Variants in FHIT observed in about 807,000 individuals in gnomAD.
The protein encoded by FHIT is bis(5'-adenosyl)-triphosphatase.
In FHIT, 19 loss-of-function variants were observed where a neutral mutation model predicts 17.9. The ratio of observed to expected loss-of-function variants is 1.06; its 90% CI spans 0.74 to 1.56. The LOEUF is 1.56. Ranked by LOEUF, FHIT falls within the 40% of genes most tolerant of loss-of-function variation. The probability of loss-of-function intolerance (pLI) is 0.00; values close to 1 mark genes in which losing one functional copy is unlikely to be tolerated. For synonymous variants in FHIT, 81 were observed against 69.7 expected, an observed-to-expected ratio of 1.16 and a Z score of -0.81; for missense variants, 248 against 189.2, an observed-to-expected ratio of 1.31 and a Z score of -1.82.
At chr3:60,873,198 C>T (rs1399084385) in intron 3 of FHIT, among the ~76,000 whole-genome samples, 1 of 151,614 alleles carries the variant, frequency 6.6e-6, no homozygotes, top group African/African-American at 2.4e-5. Context: ...ATAAAGAAAC[C>T]TGCAATGCAG....
chr3:60,038,932 T>A (rs1701328558), intron 5 of FHIT, among the ~76,000 whole-genome samples: 1 of 152,170 alleles, frequency 6.6e-6, no homozygotes, highest in Non-Finnish European at 1.5e-5. Flanking sequence ...ATAACGGTCA[T>A]TATGTACTGC....
chr3:60,461,912 C>T (rs1224832720), intron 5 of FHIT, among the ~76,000 whole-genome samples: 1 of 152,196 alleles, frequency 6.6e-6, no homozygotes, highest in African/African-American at 2.4e-5. Flanking sequence ...CCCCGCCCCC[C>T]TTTAAGCCAG....
intron 5 of FHIT, among the ~76,000 whole-genome samples, chr3:60,027,100 C>CAGACACAG (rs1181705609): frequency 1.7e-5 from 2 of 116,584 alleles, no homozygotes; most frequent in African/African-American, 7.4e-5. Context: ...AAGACTGTTT[C>CAGACACAG]ACACACAGAC....
chr3:60,437,832 G>A (rs1342312364), intron 5 of FHIT, among the ~76,000 whole-genome samples: 1 of 151,992 alleles, frequency 6.6e-6, no homozygotes, highest in African/African-American at 2.4e-5. Flanking sequence ...ATAGGTGTTT[G>A]GCTGACATAC....
chr3:60,583,714 C>T (rs1178076592), intron 4 of FHIT, among the ~76,000 whole-genome samples: 4 of 152,020 alleles, frequency 2.6e-5, no homozygotes, highest in African/African-American at 4.8e-5. Flanking sequence ...TGCCAATCCC[C>T]GTCCTGAATA....
At chr3:59,989,714 G>A (rs999078977) in intron 7 of FHIT, among the ~76,000 whole-genome samples, 3 of 152,000 alleles carry the variant, frequency 2.0e-5, no homozygotes, top group African/African-American at 7.2e-5. Flanking sequence ...GTCATTCTCA[G>A]GGAACGTGAA....
intron 5 of FHIT, among the ~76,000 whole-genome samples, chr3:60,356,769 A>AAAAAAAAAAAAAAAAAAAAAAC (rs1699680964): frequency 6.9e-6 from 1 of 144,256 alleles, no homozygotes; most frequent in African/African-American, 2.9e-5. Flanking sequence ...AAAAAAAAAA[A>AAAAAAAAAAAAAAAAAAAAAAC]AAAAAAAAAA....
chr3:59,891,110 G>GCC (rs1285284922), intron 8 of FHIT, among the ~76,000 whole-genome samples: 1 of 152,170 alleles, frequency 6.6e-6, no homozygotes, highest in African/African-American at 2.4e-5. Context: ...ATATGTTCCA[G>GCC]CCCCTCCAAG....
intron 2 of FHIT, among the ~76,000 whole-genome samples, chr3:61,197,472 A>G (rs2038885166): frequency 6.6e-6 from 1 of 152,220 alleles, no homozygotes; most frequent in Admixed American, 6.5e-5. Flanking sequence ...TACCTGTTAA[A>G]AAAAAATTAA....
At chr3:60,117,749 G>A (rs1705038174) in intron 5 of FHIT, among the ~76,000 whole-genome samples, 1 of 152,086 alleles carries the variant, frequency 6.6e-6, no homozygotes, top group South Asian at 2.1e-4. Flanking sequence ...TGGCTGCAAG[G>A]GTAGATGATG....
rs565638783 is a variant in FHIT at position 60,425,877 on chromosome 3, A to G, written c.103+110983T>C. On this transcript the variant is annotated intron_variant, in intron 5 of 9. Transcript: ENST00000492590. ...ATATATTTATTGATAGCCATCCCATATAAGATGCCATGAAGAAGGAAAAGT... is the reference window on the plus strand; with the variant it reads ...ATATATTTATTGATAGCCATCCCATGTAAGATGCCATGAAGAAGGAAAAGT... Among the ~76,000 whole-genome samples the G allele has an allele frequency of 1.7e-4, 26 of 152,246 alleles. 1 individual carries two copies. The highest frequency in any genetic ancestry group is 5.1e-4 in the African/African-American group (21 of 41,558).
At chr3:60,705,298 G>T (rs1282586335) in intron 4 of FHIT, among the ~76,000 whole-genome samples, 15 of 152,118 alleles carry the variant, frequency 9.9e-5, no homozygotes, top group African/African-American at 3.4e-4. Context: ...CAACATTAAA[G>T]GCATCAATAA....
chr3:60,345,116 C>T (rs1710711619), intron 5 of FHIT, among the ~76,000 whole-genome samples: 1 of 152,112 alleles, frequency 6.6e-6, no homozygotes, highest in East Asian at 1.9e-4. Flanking sequence ...AATTTTAAAT[C>T]ATTTGTGTCA....
intron 3 of FHIT, among the ~76,000 whole-genome samples, chr3:61,021,873 A>G (rs923641247): frequency 6.6e-6 from 1 of 152,144 alleles, no homozygotes; most frequent in African/African-American, 2.4e-5. Flanking sequence ...TATAGCACTA[A>G]ATGCTCACAA....
rs554268138 is a variant in FHIT at position 60,233,065 on chromosome 3, G to C, written c.104-218913C>G. Among the ~76,000 whole-genome samples the C allele has an allele frequency of 2.4e-3, 364 of 152,240 alleles. 2 individuals carry two copies. The highest frequency in any genetic ancestry group is 0.015 in the South Asian group (71 of 4,816). On this transcript the variant is annotated intron_variant, in intron 5 of 9. Transcript: ENST00000492590. Reference sequence around the variant, plus strand: ...GGGGTGCAGCTGGAGAGAAGGGATAGGTAAAATAAGATAGACCATGAGCTG... The same window carrying C: ...GGGGTGCAGCTGGAGAGAAGGGATACGTAAAATAAGATAGACCATGAGCTG...
chr3:61,017,441 G>C (rs1456829386), intron 3 of FHIT, among the ~76,000 whole-genome samples: 3 of 152,140 alleles, frequency 2.0e-5, no homozygotes, highest in Admixed American at 6.5e-5. Flanking sequence ...AGAACTTCAG[G>C]ACACATTTAA....
chr3:60,011,588 C>T (rs967326159), intron 6 of FHIT, among the ~76,000 whole-genome samples, 188 bp from the exon 7 acceptor site: 4 of 152,098 alleles, frequency 2.6e-5, no homozygotes, highest in Middle Eastern at 3.4e-3. Context: ...AGAGTAAGTG[C>T]GAAGTTATGT....
intron 2 of FHIT, among the ~76,000 whole-genome samples, chr3:61,179,880 G>A (rs539633698): frequency 6.6e-6 from 1 of 152,094 alleles, no homozygotes; most frequent in Admixed American, 6.5e-5. Flanking sequence ...CTAGATGCTG[G>A]TTCCTTAGGC....
At chr3:60,691,736 G>A (rs2040996386) in intron 4 of FHIT, among the ~76,000 whole-genome samples, 2 of 152,008 alleles carry the variant, frequency 1.3e-5, no homozygotes, top group South Asian at 4.2e-4. Flanking sequence ...TGACATTCTG[G>A]TCTCTTTACA....
Sources: gnomAD v4.1 joint callset for allele counts (sites outside exome capture counted in the v4.1 genomes callset) on GRCh38, gnomAD v4.1.1 for gene constraint, MANE v1.5 for transcripts, NCBI Gene and HGNC (gene_info 2026-07-23, HGNC 2026-07-21) for gene names.